The following CDH9 variants were observed in gnomAD, a reference collection of about 807,000 sequenced individuals.
CDH9 encodes cadherin-9.
Under a neutral mutation model 70.9 loss-of-function variants are expected in CDH9, and 28 were observed. The observed-to-expected ratio is 0.40, with a 90% CI of 0.29 to 0.54. CDH9 has a LOEUF of 0.54. Ranked by LOEUF, CDH9 falls within the 20% of genes least tolerant of loss-of-function variation. The pLI is 0.59. For synonymous variants in CDH9, 409 were observed against 343.1 expected, an observed-to-expected ratio of 1.19 and a Z score of -2.12; for missense variants, 874 against 984.4, an observed-to-expected ratio of 0.89 and a Z score of 1.50.
chr5:27,037,442 T>C (rs1163776483), intron 1 of CDH9, among the ~76,000 whole-genome samples: 5 of 151,926 alleles, frequency 3.3e-5, no homozygotes, highest in Non-Finnish European at 5.9e-5. Context: ...TGTAAACTTA[T>C]CTACTACAGT....
chr5:26,935,978 T>C (rs756533285), intron 2 of CDH9, among the ~76,000 whole-genome samples: 21 of 152,286 alleles, frequency 1.4e-4, no homozygotes, highest in East Asian at 7.7e-4. Context: ...GAGACTATTA[T>C]GGAAAGGCCA....
chr5:27,011,528 C>T (rs1207036854), intron 1 of CDH9, among the ~76,000 whole-genome samples: 1 of 152,054 alleles, frequency 6.6e-6, no homozygotes, highest in Non-Finnish European at 1.5e-5. Flanking sequence ...CCTATCAACA[C>T]CTTGCTTTCA....
In CDH9 at chr5:26,885,982, G is replaced by A; in HGVS notation, c.1614C>T (p.Thr538=). 6.2e-7 allele frequency: 1 copy of A among 1,608,976 alleles called. No individual in the cohort carries two copies. The change falls in exon 10 of 12, where the codon ACC becomes ACT. Residue 538 remains threonine (T), a synonymous_variant. Transcript: ENST00000231021. ...TTCTTATACCTTTATTATCTACAATGGTGAAATTCGGATTGAGAGTAAATT... is the reference window on the plus strand; with the variant it reads ...TTCTTATACCTTTATTATCTACAATAGTGAAATTCGGATTGAGAGTAAATT... ...VPEFTLNPNF[T]IVDNKDNTAG...
intron 3 of CDH9, among the ~76,000 whole-genome samples, chr5:26,910,753 A>T (rs73748532): frequency 3.3e-5 from 5 of 152,134 alleles, no homozygotes; most frequent in Non-Finnish European, 5.9e-5. Context: ...TAAGTTAACG[A>T]AAGTTACAGA....
At chr5:26,918,119 T>C (rs1741179074) in intron 2 of CDH9, among the ~76,000 whole-genome samples, 1 of 152,204 alleles carries the variant, frequency 6.6e-6, no homozygotes, top group African/African-American at 2.4e-5. Context: ...TTTTCCCTCT[T>C]GCTATACATT....
intron 2 of CDH9, among the ~76,000 whole-genome samples, chr5:26,976,808 A>T (rs1177835207): frequency 1.3e-5 from 2 of 152,080 alleles, no homozygotes; most frequent in Non-Finnish European, 2.9e-5. Context: ...TGAATTATCT[A>T]TTAAGTCTTT....
chr5:27,010,620 G>T (rs1742939798), intron 1 of CDH9, among the ~76,000 whole-genome samples: 1 of 152,048 alleles, frequency 6.6e-6, no homozygotes, highest in African/African-American at 2.4e-5. Flanking sequence ...TGCCTTCCAA[G>T]TTATCACAAG....
chr5:27,012,815 A>G (rs190415914), intron 1 of CDH9, among the ~76,000 whole-genome samples: 1 of 152,166 alleles, frequency 6.6e-6, no homozygotes, highest in East Asian at 1.9e-4. Context: ...ATTACAAGGA[A>G]TATTTCCTTA....
chr5:26,957,658 CA>C (rs373896726), intron 2 of CDH9, among the ~76,000 whole-genome samples: 106 of 143,780 alleles, frequency 7.4e-4, no homozygotes, highest in South Asian at 1.3e-3. Context: ...GAGACGGTCT[CA>C]AAAAAAAAAA....
chr5:26,901,430 T>C (rs574522493), intron 7 of CDH9, among the ~76,000 whole-genome samples: 14 of 152,028 alleles, frequency 9.2e-5, no homozygotes, highest in Middle Eastern at 3.4e-3. Flanking sequence ...TAAATCATCA[T>C]TAAAATATAT....
chr5:26,886,741 A>T (rs1740573126), intron 9 of CDH9, among the ~76,000 whole-genome samples: 1 of 152,192 alleles, frequency 6.6e-6, no homozygotes, highest in Non-Finnish European at 1.5e-5. Context: ...TTTCAAAATT[A>T]GAGCACCTCT....
chr5:26,986,597 G>A (rs10059601), intron 2 of CDH9, among the ~76,000 whole-genome samples: 71,932 of 151,882 alleles, frequency 0.47, 17,868 homozygotes, highest in African/African-American at 0.52. Context: ...GATTATGAGC[G>A]ACTCTTTTAT....
At chr5:26,958,452 G>A (rs1741981542) in intron 2 of CDH9, among the ~76,000 whole-genome samples, 1 of 152,166 alleles carries the variant, frequency 6.6e-6, no homozygotes, top group South Asian at 2.1e-4. Flanking sequence ...TGCCTCCTGA[G>A]ATAAAGTCTG....
intron 3 of CDH9, among the ~76,000 whole-genome samples, chr5:26,909,077 G>A (rs558054542): frequency 2.0e-5 from 3 of 152,116 alleles, no homozygotes; most frequent in South Asian, 4.1e-4. Context: ...TCCGCCTCCC[G>A]GGTTCACGCC....
In CDH9 at chr5:27,003,175, C is replaced by A. The variant is rs143119285; in HGVS notation, c.-49-14793G>T. Among the ~76,000 whole-genome samples the A allele has an allele frequency of 3.2e-4, 48 of 152,198 alleles. No individual in the cohort carries two copies. In the East Asian group the frequency reaches 9.3e-3, roughly 30 times the overall value. On this transcript the variant is annotated intron_variant, in intron 1 of 11. Coordinates refer to ENST00000231021, the MANE Select transcript of CDH9 (RefSeq NM_016279.4). ...GAATTTCATTTGAGCATCAGGTTGG[C>A]ACTCAAACAGTTTTGAATTGTGGAG...
intron 1 of CDH9, among the ~76,000 whole-genome samples, chr5:27,024,744 C>T (rs1031246565): frequency 8.6e-5 from 13 of 151,970 alleles, no homozygotes; most frequent in African/African-American, 9.7e-5. Context: ...TTAATTGATA[C>T]GACATTGAAA....
At chr5:26,903,220 C>T (rs1342624625) in intron 6 of CDH9, 4 of 308,892 alleles carry the variant, frequency 1.3e-5, no homozygotes, top group East Asian at 1.0e-4. Flanking sequence ...AGAATGTTCT[C>T]CCACATTGCA....
intron 2 of CDH9, among the ~76,000 whole-genome samples, chr5:26,953,028 C>T (rs765755058): frequency 5.9e-5 from 9 of 151,802 alleles, no homozygotes; most frequent in East Asian, 3.9e-4. Context: ...TGATATTCTA[C>T]GCAGTAGCAG....
chr5:26,895,631 A>C (rs1409486716), intron 7 of CDH9, among the ~76,000 whole-genome samples: 1 of 152,014 alleles, frequency 6.6e-6, no homozygotes, highest in African/African-American at 2.4e-5. Flanking sequence ...CAACCCTATA[A>C]CTTTGGAGAT....
Sources: allele counts gnomAD v4.1 joint callset (sites outside exome capture counted in the v4.1 genomes callset), GRCh38; gene constraint gnomAD v4.1.1; transcripts MANE v1.5; gene names NCBI Gene and HGNC (gene_info 2026-07-23, HGNC 2026-07-21).